Variants in CPA6 observed in about 807,000 individuals in gnomAD.
CPA6 encodes carboxypeptidase A6.
CPA6 carries 58 observed loss-of-function variants against 63.3 expected under a neutral mutation model. The ratio of observed to expected loss-of-function variants is 0.92; its 90% CI spans 0.74 to 1.14. The LOEUF (loss-of-function observed/expected upper bound fraction) is 1.14, where lower values mean the gene tolerates loss of function less well. Ranked by LOEUF, CPA6 falls within the 50% of genes most tolerant of loss-of-function variation. The pLI, the probability that CPA6 is intolerant of heterozygous loss-of-function variation, is 0.00. For synonymous variants in CPA6, 185 were observed against 179.0 expected (o/e 1.03, Z -0.27); for missense variants, 565 against 526.6 (o/e 1.07, Z -0.71).
chr8:67,693,217 T>C (rs146866795), intron 1 of CPA6, among the ~76,000 whole-genome samples: 2 of 152,344 alleles, frequency 1.3e-5, no homozygotes, highest in Admixed American at 1.3e-4. Flanking sequence ...TATAGCACTA[T>C]CTTGGGAAAC....
At chr8:67,539,920 A>G (rs1285366281) in intron 2 of CPA6, among the ~76,000 whole-genome samples, 1 of 152,140 alleles carries the variant, frequency 6.6e-6, no homozygotes, top group African/African-American at 2.4e-5. Flanking sequence ...CAAGGTTCTT[A>G]GCTTCCTTGC....
intron 3 of CPA6, among the ~76,000 whole-genome samples, chr8:67,516,507 C>G (rs953075661): frequency 3.3e-5 from 5 of 152,212 alleles, no homozygotes; most frequent in Non-Finnish European, 7.3e-5. Context: ...TGATGCATCT[C>G]CTCCCAGTCA....
In CPA6 at chr8:67,656,874, G is replaced by A. The variant is rs77143032; in HGVS notation, c.117-32623C>T. Among the ~76,000 whole-genome samples the A allele has an allele frequency of 8.0e-3, 1,215 of 152,268 alleles. 8 individuals carry two copies. The highest frequency in any genetic ancestry group is 0.014 in the Non-Finnish European group (949 of 68,010). ...CCAAATGGATGTGTCACTGGGGCTA[G>A]GCCTTTGGATCTAGGCAAAGTATTT... On this transcript the variant is annotated intron_variant, in intron 1 of 10. Transcript: ENST00000297770.
chr8:67,572,414 G>A (rs1244364212), intron 2 of CPA6, among the ~76,000 whole-genome samples: 1 of 152,164 alleles, frequency 6.6e-6, no homozygotes, highest in African/African-American at 2.4e-5. Context: ...CCTATGAGAG[G>A]AGCCTATTAT....
intron 5 of CPA6, among the ~76,000 whole-genome samples, chr8:67,508,194 G>A (rs545243385): frequency 1.6e-4 from 24 of 152,184 alleles, no homozygotes; most frequent in Non-Finnish European, 2.9e-4. Context: ...GGCACAGAGA[G>A]AAGTTAGGGT....
chr8:67,546,984 C>G (rs1178678484), intron 2 of CPA6, among the ~76,000 whole-genome samples: 1 of 152,146 alleles, frequency 6.6e-6, no homozygotes, highest in Non-Finnish European at 1.5e-5. Context: ...GCCACTGCAC[C>G]CAGCTGAATT....
chr8:67,454,068 A>G (rs1215647223), intron 8 of CPA6, among the ~76,000 whole-genome samples: 1 of 152,252 alleles, frequency 6.6e-6, no homozygotes, highest in Non-Finnish European at 1.5e-5. Context: ...GGGCTATCAC[A>G]TCCAGAGTTC....
chr8:67,624,463 G>T (rs2128987016), intron 1 of CPA6, among the ~76,000 whole-genome samples: 1 of 152,242 alleles, frequency 6.6e-6, no homozygotes, highest in Non-Finnish European at 1.5e-5. Context: ...ATCAGCTTTT[G>T]AAGATTACAA....
chr8:67,589,936 T>C (rs1339500369), intron 2 of CPA6, among the ~76,000 whole-genome samples: 3 of 151,878 alleles, frequency 2.0e-5, no homozygotes, highest in Admixed American at 1.3e-4. Context: ...ATGTGCACAA[T>C]GTGCAGGTTA....
intron 2 of CPA6, among the ~76,000 whole-genome samples, chr8:67,554,433 G>C (rs1004579488): frequency 6.6e-6 from 1 of 152,190 alleles, no homozygotes. Context: ...AGAGGAAACA[G>C]CTAAACCATT....
chr8:67,589,303 T>C (rs1018425612), intron 2 of CPA6, among the ~76,000 whole-genome samples: 7 of 152,198 alleles, frequency 4.6e-5, no homozygotes, highest in African/African-American at 1.7e-4. Context: ...ATAGCATCCC[T>C]CTTCAAAAGG....
At chr8:67,569,034 A>G (rs1813416436) in intron 2 of CPA6, among the ~76,000 whole-genome samples, 1 of 152,234 alleles carries the variant, frequency 6.6e-6, no homozygotes, top group South Asian at 2.1e-4. Flanking sequence ...TACAGGTGTG[A>G]GCCACTGTGC....
At chr8:67,475,751 CT>C (rs1224663813) in intron 8 of CPA6, among the ~76,000 whole-genome samples, 2 of 146,764 alleles carry the variant, frequency 1.4e-5, no homozygotes, top group Non-Finnish European at 1.5e-5. Context: ...TTCCTTCTTT[CT>C]TTTTTTCTTT....
chr8:67,583,232 G>A (rs1027654156), intron 2 of CPA6, among the ~76,000 whole-genome samples: 1 of 152,114 alleles, frequency 6.6e-6, no homozygotes, highest in Non-Finnish European at 1.5e-5. Context: ...GTTAGTGGTA[G>A]TTGCTGGTTG....
At chr8:67,524,238 A>C (rs1302007476) in intron 2 of CPA6, among the ~76,000 whole-genome samples, 1 of 151,780 alleles carries the variant, frequency 6.6e-6, no homozygotes, top group Non-Finnish European at 1.5e-5. Flanking sequence ...CTTTCATAGA[A>C]TTTTTTTTCA....
In CPA6 at chr8:67,522,192, C is replaced by A. The variant is rs532480603; in HGVS notation, c.193-4145G>T. Among the ~76,000 whole-genome samples the A allele has an allele frequency of 2.0e-5, 3 of 152,128 alleles. No homozygotes were observed. The East Asian group carries it at 5.8e-4, about 29-fold the overall frequency. On this transcript the variant is annotated intron_variant, in intron 2 of 10. Transcript: ENST00000297770. Reference sequence around the variant, plus strand: ...TGCTTTTTTCAGGCCCGCCCATGGACCAATCAGCATAATTGGTCCCCCATT... The same window carrying A: ...TGCTTTTTTCAGGCCCGCCCATGGAACAATCAGCATAATTGGTCCCCCATT...
chr8:67,722,994 C>T lies in CPA6; in HGVS notation c.116+23020G>A, dbSNP rs563584179. 3.3e-5 allele frequency among the ~76,000 whole-genome samples: 5 copies of T among 152,118 alleles called. No homozygotes were observed. In the East Asian group the frequency reaches 9.7e-4, roughly 29 times the overall value. ...TAAACATACACTAAAACATCCCCTA[C>T]ACTCTAAAAATCAGCACATTTCCAA... On this transcript the variant is annotated intron_variant, in intron 1 of 10. Coordinates refer to ENST00000297770, the MANE Select transcript of CPA6 (RefSeq NM_020361.5).
chr8:67,523,813 T>A (rs545867698), intron 2 of CPA6, among the ~76,000 whole-genome samples: 1 of 152,326 alleles, frequency 6.6e-6, no homozygotes, highest in African/African-American at 2.4e-5. Flanking sequence ...GTGTGAGTCC[T>A]ATACACAGAT....
intron 2 of CPA6, among the ~76,000 whole-genome samples, chr8:67,547,091 G>C (rs1812833421): frequency 6.6e-6 from 1 of 152,146 alleles, no homozygotes. Flanking sequence ...CTGTCACCCA[G>C]GCTGGAGTGC....
Sources: gnomAD v4.1 joint callset for allele counts (sites outside exome capture counted in the v4.1 genomes callset) on GRCh38, gnomAD v4.1.1 for gene constraint, MANE v1.5 for transcripts, NCBI Gene and HGNC (gene_info 2026-07-23, HGNC 2026-07-21) for gene names.